The following EDA variants were observed in gnomAD, a reference collection of about 807,000 sequenced individuals.
EDA encodes the protein ectodysplasin-A.
Under a neutral mutation model 23.6 loss-of-function variants are expected in EDA, and 2 were observed. The ratio of observed to expected loss-of-function variants is 0.08; its 90% CI spans 0.03 to 0.27. The LOEUF is 0.27. Ranked by LOEUF, EDA falls within the 10% of genes least tolerant of loss-of-function variation. The probability of loss-of-function intolerance (pLI) is 1.00; values close to 1 mark genes in which losing one functional copy is unlikely to be tolerated. For synonymous variants in EDA, 131 were observed against 132.0 expected, an observed-to-expected ratio of 0.99 and a Z score of 0.05; for missense variants, 229 against 324.2, an observed-to-expected ratio of 0.71 and a Z score of 2.26.
intron 1 of EDA, among the ~76,000 whole-genome samples, chrX:69,933,699 G>A (rs1269416634): frequency 9.0e-6 from 1 of 110,962 alleles, no homozygotes; most frequent in East Asian, 2.8e-4. Context: ...TGGATAAAAT[G>A]GTGAATCCTT....
chrX:69,689,153 T>A (rs1244746823), intron 1 of EDA, among the ~76,000 whole-genome samples: 2 of 111,946 alleles, frequency 1.8e-5, no homozygotes, highest in Non-Finnish European at 3.8e-5. Context: ...TTAATTACTT[T>A]GTAGCTTTGT....
At chrX:69,840,026 A>G (rs766310668) in intron 1 of EDA, among the ~76,000 whole-genome samples, 4 of 111,178 alleles carry the variant, frequency 3.6e-5, no homozygotes, top group South Asian at 3.8e-4. Context: ...ATAATTTCCA[A>G]CCTCTTTTCC....
chrX:69,993,285 G>A (rs1413004549), intron 2 of EDA, among the ~76,000 whole-genome samples: 1 of 110,818 alleles, frequency 9.0e-6, no homozygotes, highest in African/African-American at 3.3e-5. Flanking sequence ...TTTATTACAG[G>A]TACCCCAAAT....
At chrX:69,793,875 G>A (rs2015479873) in intron 1 of EDA, among the ~76,000 whole-genome samples, 1 of 110,826 alleles carries the variant, frequency 9.0e-6, no homozygotes, top group African/African-American at 3.3e-5. Flanking sequence ...GAGAAAATGG[G>A]TTAACTTAGG....
At chrX:69,937,754 G>A (rs1846227881) in intron 1 of EDA, 5 of 1,192,497 alleles carry the variant, frequency 4.2e-6, no homozygotes, top group Non-Finnish European at 5.7e-6. Context: ...TTCCTGGAGG[G>A]TATTCTCCTT....
At chrX:69,680,820 C>T (rs1303489080) in intron 1 of EDA, among the ~76,000 whole-genome samples, 1 of 103,283 alleles carries the variant, frequency 9.7e-6, no homozygotes, top group Non-Finnish European at 2.0e-5. Context: ...AGTCCATTTA[C>T]ATTTAAAGTT....
intron 2 of EDA, among the ~76,000 whole-genome samples, chrX:70,009,541 G>A (rs894777281): frequency 9.2e-6 from 1 of 109,090 alleles, no homozygotes; most frequent in Non-Finnish European, 1.9e-5. Flanking sequence ...TTATTTAGAA[G>A]GGTGGATTTG....
At chrX:69,636,360 A>G (rs747148581) in intron 1 of EDA, among the ~76,000 whole-genome samples, 1 of 110,639 alleles carries the variant, frequency 9.0e-6, no homozygotes, top group East Asian at 2.9e-4. Context: ...AGATGTAGGT[A>G]CCATGCTTGT....
At chrX:69,687,574 C>T (rs369591267) in intron 1 of EDA, 1 of 111,507 alleles carries the variant, frequency 9.0e-6, no homozygotes, top group African/African-American at 3.3e-5. Flanking sequence ...AGTTTAATGT[C>T]CAATTTATCT....
At chrX:69,890,170 G>A (rs2017901155) in intron 1 of EDA, among the ~76,000 whole-genome samples, 1 of 110,717 alleles carries the variant, frequency 9.0e-6, no homozygotes, top group African/African-American at 3.3e-5. Flanking sequence ...AGCTAACAAG[G>A]GAAGTGAAGG....
chrX:69,935,223 G>T (rs769693400), intron 1 of EDA, among the ~76,000 whole-genome samples: 1 of 111,712 alleles, frequency 9.0e-6, no homozygotes, highest in African/African-American at 3.3e-5. Context: ...CCAAATCTTG[G>T]CTATTGTGAA....
intron 1 of EDA, among the ~76,000 whole-genome samples, chrX:69,866,006 C>T (rs1421872546): frequency 8.9e-6 from 1 of 111,982 alleles, no homozygotes. Context: ...GTTACAGTCC[C>T]CGTTTCTGCA....
chrX:69,796,814 C>T (rs891805236), intron 1 of EDA, among the ~76,000 whole-genome samples: 3 of 111,159 alleles, frequency 2.7e-5, no homozygotes, highest in African/African-American at 9.8e-5. Flanking sequence ...TACCGAAAAA[C>T]AATACACAGA....
chrX:69,713,316 T>C, intron 1 of EDA, among the ~76,000 whole-genome samples: 1 of 112,142 alleles, frequency 8.9e-6, no homozygotes, highest in Non-Finnish European at 1.9e-5. Context: ...TACAGAACTA[T>C]AGTATAATAT....
chrX:70,029,805 A>G (rs2020173340), intron 5 of EDA, among the ~76,000 whole-genome samples: 1 of 112,557 alleles, frequency 8.9e-6, no homozygotes, highest in Non-Finnish European at 1.9e-5. Context: ...AGCCAGGCCC[A>G]GTAGTCAGCT....
chrX:69,706,679 T>C (rs959267792), intron 1 of EDA, among the ~76,000 whole-genome samples: 4 of 112,049 alleles, frequency 3.6e-5, no homozygotes, highest in African/African-American at 1.3e-4. Context: ...ACAATTTTTC[T>C]AATTGGCAAT....
chrX:69,987,753 G>C (rs1220368378), intron 2 of EDA, among the ~76,000 whole-genome samples: 1 of 111,530 alleles, frequency 9.0e-6, no homozygotes, highest in Non-Finnish European at 1.9e-5. Flanking sequence ...CTACCCAGAA[G>C]TTAAGATTCT....
At chrX:69,917,581 C>A (rs1602532664) in intron 1 of EDA, among the ~76,000 whole-genome samples, 1 of 111,341 alleles carries the variant, frequency 9.0e-6, no homozygotes, top group African/African-American at 3.3e-5. Context: ...GATCCTCAAA[C>A]CTTCCTTTAC....
intron 1 of EDA, among the ~76,000 whole-genome samples, chrX:69,748,707 G>A (rs1345958596): frequency 1.8e-5 from 2 of 111,274 alleles, no homozygotes; most frequent in African/African-American, 3.3e-5. Context: ...CCACTTACCC[G>A]CAGCATGGTC....
Sources: gnomAD v4.1 joint callset for allele counts (sites outside exome capture counted in the v4.1 genomes callset) on GRCh38, gnomAD v4.1.1 for gene constraint, MANE v1.5 for transcripts, NCBI Gene and HGNC (gene_info 2026-07-23, HGNC 2026-07-21) for gene names.